DOCK9: variants seen among roughly 807,000 people sequenced by gnomAD.
DOCK9 encodes dedicator of cytokinesis protein 9.
In DOCK9, 89 loss-of-function variants were observed where a neutral mutation model predicts 263.3. That is an observed-to-expected ratio of 0.34 (90% CI 0.28 to 0.40). The LOEUF is 0.40. DOCK9 is among the 10% of genes least tolerant of loss of function. The pLI is 1.00. For synonymous variants in DOCK9, 976 were observed against 973.1 expected, an observed-to-expected ratio of 1.00 and a Z score of -0.06; for missense variants, 2,140 against 2,603.4, an observed-to-expected ratio of 0.82 and a Z score of 3.87.
At chr13:99,005,902 T>C (rs1219730478) in intron 1 of DOCK9, among the ~76,000 whole-genome samples, 4 of 151,458 alleles carry the variant, frequency 2.6e-5, no homozygotes, top group African/African-American at 9.7e-5. Flanking sequence ...ATTTGCCCCA[T>C]AGACTTAGTC....
chr13:98,846,101 G>C, intron 37 of DOCK9, 41 bp from the exon 38 acceptor site: 1 of 1,548,508 alleles, frequency 6.5e-7, no homozygotes, highest in Non-Finnish European at 8.7e-7. Flanking sequence ...AAAGTTAGAC[G>C]TGTTACACTG....
chr13:98,796,138 A>C, intron 52 of DOCK9: 3 of 1,281,262 alleles, frequency 2.3e-6, no homozygotes, highest in Non-Finnish European at 3.3e-6. Flanking sequence ...TAGTTGCTCA[A>C]ACTCAAAAAA....
intron 1 of DOCK9, among the ~76,000 whole-genome samples, chr13:99,044,522 A>T (rs1235461225): frequency 6.6e-6 from 1 of 152,216 alleles, no homozygotes; most frequent in Non-Finnish European, 1.5e-5. Context: ...CATGGCAACC[A>T]GAAAGGAACA....
intron 27 of DOCK9, among the ~76,000 whole-genome samples, chr13:98,874,323 T>C (rs996373696): frequency 6.6e-6 from 1 of 152,274 alleles, no homozygotes; most frequent in Non-Finnish European, 1.5e-5. Context: ...CTCACTACTT[T>C]GTTCCATTTT....
chr13:98,824,158 T>C (rs1252614195), intron 45 of DOCK9, among the ~76,000 whole-genome samples: 2 of 152,244 alleles, frequency 1.3e-5, no homozygotes, highest in Non-Finnish European at 2.9e-5. Flanking sequence ...GAGCCTCACT[T>C]CATTACAATC....
intron 27 of DOCK9, among the ~76,000 whole-genome samples, chr13:98,875,851 G>A (rs528623938): frequency 6.6e-6 from 1 of 152,220 alleles, no homozygotes; most frequent in African/African-American, 2.4e-5. Flanking sequence ...TAGTTCGAAG[G>A]GGTTCTGATT....
At chr13:98,806,158 A>G (rs2090681866) in intron 48 of DOCK9, among the ~76,000 whole-genome samples, 1 of 152,254 alleles carries the variant, frequency 6.6e-6, no homozygotes, top group Non-Finnish European at 1.5e-5. Flanking sequence ...CCTCCAAATT[A>G]TCATTAATCT....
intron 3 of DOCK9, 57 bp downstream of exon 3, chr13:98,930,111 G>A (rs902647767): frequency 1.4e-6 from 2 of 1,448,258 alleles, no homozygotes; most frequent in Non-Finnish European, 1.9e-6. Flanking sequence ...TAAAGAAAAG[G>A]AGGCAGTTAG....
exon 1 of DOCK9, chr13:99,086,376 TCCGCCTGCTCCCGCGGCCCGGC>T: frequency 8.5e-7 from 1 of 1,174,866 alleles, no homozygotes. Flanking sequence ...CGCCTCCGCC[TCCGCCTGCTCCCGCGGCCCGGC>T]CCGGCCGCGC....
chr13:99,066,742 T>C (rs538761032), intron 1 of DOCK9, among the ~76,000 whole-genome samples: 1 of 152,224 alleles, frequency 6.6e-6, no homozygotes, highest in East Asian at 1.9e-4. Flanking sequence ...AATGCTAATT[T>C]TAGGAGTCCT....
intron 43 of DOCK9, 64 bp from the exon 44 acceptor site, chr13:98,826,951 C>G (rs1409139325): frequency 7.0e-6 from 9 of 1,280,932 alleles, no homozygotes; most frequent in African/African-American, 4.4e-5. Flanking sequence ...TGCTCCCACA[C>G]AGACAGAAAT....
intron 1 of DOCK9, among the ~76,000 whole-genome samples, chr13:98,969,495 C>T (rs1229573030): frequency 6.6e-6 from 1 of 151,322 alleles, no homozygotes; most frequent in East Asian, 1.9e-4. Flanking sequence ...TTATATCAGA[C>T]ATCGAATACA....
chr13:98,814,478 T>C (rs1364317018), intron 45 of DOCK9, among the ~76,000 whole-genome samples: 1 of 151,538 alleles, frequency 6.6e-6, no homozygotes, highest in Non-Finnish European at 1.5e-5. Flanking sequence ...CAATCTTGGC[T>C]TACTGCAACC....
chr13:98,959,951 G>A (rs2058453522), intron 1 of DOCK9, among the ~76,000 whole-genome samples: 1 of 152,216 alleles, frequency 6.6e-6, no homozygotes, highest in Non-Finnish European at 1.5e-5. Flanking sequence ...GGTGCTGGTG[G>A]GGCATGGAGG....
chr13:98,935,356 T>C (rs1427502614), intron 2 of DOCK9, among the ~76,000 whole-genome samples: 1 of 152,200 alleles, frequency 6.6e-6, no homozygotes, highest in Non-Finnish European at 1.5e-5. Flanking sequence ...CCTAGAATTC[T>C]TACTGATCTT....
At chr13:98,805,272 T>C in intron 48 of DOCK9, 63 bp from the exon 49 acceptor site, 6 of 1,386,952 alleles carry the variant, frequency 4.3e-6, no homozygotes, top group South Asian at 1.3e-5. Context: ...AGTTCTTACC[T>C]ACGTGGTATT....
intron 1 of DOCK9, among the ~76,000 whole-genome samples, chr13:99,033,452 G>A (rs891015115): frequency 1.3e-5 from 2 of 152,198 alleles, no homozygotes; most frequent in African/African-American, 4.8e-5. Context: ...CGTGGGTGAC[G>A]GAAGTATCAC....
At position 98,794,428 on chromosome 13, in the gene DOCK9, T is replaced by G. The variant is rs1332675315; in HGVS notation, c.*198A>C. The G allele has an allele frequency of 5.0e-6, 3 of 594,440 alleles. No homozygotes were observed. Among genetic ancestry groups the G allele is most frequent in the Admixed American group, 3.4e-5 (1 of 29,288 alleles). 36.8% of individuals were successfully genotyped at this position (594,440 alleles called of 1,614,324 possible). A position where few individuals can be genotyped will look rare whatever the true frequency, so the allele number is the denominator to read the frequency against. On this transcript the variant is annotated 3_prime_UTR_variant, in exon 53 of 53. Coordinates refer to ENST00000682017, the MANE Select transcript of DOCK9 (RefSeq NM_001366683.2). ...CAATGAAAACTTTGAATATTGCCAG[T>G]GAGATTTAAAAAAATATGTGCACCT...
At chr13:98,937,445 A>G (rs1229746268) in intron 2 of DOCK9, among the ~76,000 whole-genome samples, 1 of 152,232 alleles carries the variant, frequency 6.6e-6, no homozygotes, top group Non-Finnish European at 1.5e-5. Context: ...TAGGTAGATA[A>G]AAGCCCTTTC....
Sources: gnomAD v4.1 joint callset for allele counts (sites outside exome capture counted in the v4.1 genomes callset) on GRCh38, gnomAD v4.1.1 for gene constraint, MANE v1.5 for transcripts, NCBI Gene and HGNC (gene_info 2026-07-23, HGNC 2026-07-21) for gene names.